DIP2B: variants seen among roughly 807,000 people sequenced by gnomAD.
DIP2B encodes the protein disco-interacting protein 2 homolog B.
Under a neutral mutation model 198.0 loss-of-function variants are expected in DIP2B, and 76 were observed. That is an observed-to-expected ratio of 0.38 (90% CI 0.32 to 0.46). The LOEUF is 0.46. DIP2B is among the 20% of genes least tolerant of loss of function. The pLI, the probability that DIP2B is intolerant of heterozygous loss-of-function variation, is 0.99. For missense variants in DIP2B, 1,559 were observed against 1,978.4 expected, an observed-to-expected ratio of 0.79 and a Z score of 4.02; for synonymous variants, 701 against 739.1, an observed-to-expected ratio of 0.95 and a Z score of 0.84.
At position 50,683,255 on chromosome 12, in the gene DIP2B, T is replaced by C. The variant is rs779396456; in HGVS notation, c.1317+7T>C. The C allele has an allele frequency of 2.5e-6, 4 of 1,604,456 alleles. No homozygotes were observed. In the African/African-American group the frequency reaches 4.0e-5, roughly 16 times the overall value. Reference sequence around the variant, plus strand: ...GGTACCTCTTACCAGAAAGGTAACATTGCTAAATTTAAGAGGAATGTAGCC... The same window carrying C: ...GGTACCTCTTACCAGAAAGGTAACACTGCTAAATTTAAGAGGAATGTAGCC... On this transcript the variant is annotated splice_region_variant and intron_variant, in intron 10 of 37. Coordinates refer to ENST00000301180, the MANE Select transcript of DIP2B (RefSeq NM_173602.3).
intron 5 of DIP2B, among the ~76,000 whole-genome samples, chr12:50,674,203 G>A (rs1488553111): frequency 6.6e-6 from 1 of 152,120 alleles, no homozygotes; most frequent in African/African-American, 2.4e-5. Context: ...AGAAAATGAT[G>A]TTTTGAGAAA....
At chr12:50,734,238 A>G in intron 33 of DIP2B, 42 bp downstream of exon 33, 1 of 1,605,552 alleles carries the variant, frequency 6.2e-7, no homozygotes, top group Middle Eastern at 1.7e-4. Context: ...CTAGTTCCTA[A>G]GCATAACAAA....
chr12:50,590,983 A>T (rs1268942046), intron 1 of DIP2B, among the ~76,000 whole-genome samples: 3 of 152,166 alleles, frequency 2.0e-5, no homozygotes, highest in Non-Finnish European at 4.4e-5. Context: ...CTCTCTTGGG[A>T]GTGGGATTAA....
chr12:50,608,167 A>G (rs1048650790), intron 1 of DIP2B, among the ~76,000 whole-genome samples: 9 of 152,332 alleles, frequency 5.9e-5, no homozygotes, highest in East Asian at 5.8e-4. Flanking sequence ...TGTGTCCACC[A>G]ATTATTTTTA....
At chr12:50,705,414 A>G (rs564331380) in intron 20 of DIP2B, among the ~76,000 whole-genome samples, 1 of 152,314 alleles carries the variant, frequency 6.6e-6, no homozygotes, top group Admixed American at 6.5e-5. Flanking sequence ...TCCATGATTG[A>G]TGTCCAAAAT....
intron 3 of DIP2B, chr12:50,656,972 C>T (rs1299036313): frequency 3.9e-5 from 6 of 152,072 alleles, no homozygotes; most frequent in East Asian, 3.9e-4. Context: ...TAATTGATTC[C>T]GTGCTCACTT....
chr12:50,552,933 T>C (rs2139388357), intron 1 of DIP2B, among the ~76,000 whole-genome samples: 1 of 152,242 alleles, frequency 6.6e-6, no homozygotes, highest in South Asian at 2.1e-4. Flanking sequence ...CCTCCCAGGT[T>C]CAAGCCATTC....
intron 1 of DIP2B, among the ~76,000 whole-genome samples, chr12:50,567,699 T>C (rs1291937648): frequency 6.6e-6 from 1 of 152,056 alleles, no homozygotes; most frequent in Non-Finnish European, 1.5e-5. Context: ...GGCTAATTTT[T>C]GTAGTTTTAG....
chr12:50,740,122 C>T (rs769693903), intron 36 of DIP2B, among the ~76,000 whole-genome samples: 1 of 152,184 alleles, frequency 6.6e-6, no homozygotes, highest in African/African-American at 2.4e-5. Context: ...CACTGCTGCC[C>T]GCCATCACTC....
At chr12:50,566,452 G>C (rs185260635) in intron 1 of DIP2B, among the ~76,000 whole-genome samples, 2 of 152,160 alleles carry the variant, frequency 1.3e-5, no homozygotes, top group Admixed American at 1.3e-4. Flanking sequence ...TACATATAAT[G>C]TGTCTTTTTT....
intron 12 of DIP2B, among the ~76,000 whole-genome samples, chr12:50,688,687 A>G (rs1483292346): frequency 6.6e-6 from 1 of 152,194 alleles, no homozygotes; most frequent in Non-Finnish European, 1.5e-5. Context: ...AATTAAAAAT[A>G]CCAAATTTAG....
chr12:50,664,830 GTTTTTGTTTT>G (rs1938719257), intron 4 of DIP2B, among the ~76,000 whole-genome samples: 2 of 99,644 alleles, frequency 2.0e-5, no homozygotes, highest in South Asian at 3.4e-4. Context: ...TCCTTTTTTG[GTTTTTGTTTT>G]TTTTTTTTTT....
intron 1 of DIP2B, among the ~76,000 whole-genome samples, chr12:50,599,407 G>A (rs1372047497): frequency 1.3e-5 from 2 of 152,184 alleles, no homozygotes; most frequent in East Asian, 1.9e-4. Flanking sequence ...CCTGAGGTCA[G>A]GAGTATGAGA....
At chr12:50,648,521 G>A (rs923279461) in intron 3 of DIP2B, among the ~76,000 whole-genome samples, 5 of 151,930 alleles carry the variant, frequency 3.3e-5, no homozygotes, top group Non-Finnish European at 5.9e-5. Context: ...CTGCCACCAC[G>A]CCCGGCTAAT....
Position 50,699,050 on chromosome 12 carries a change from A to T in DIP2B, c.2189-16A>T. The T allele has an allele frequency of 6.2e-7, 1 of 1,612,860 alleles. No homozygotes were observed. Among genetic ancestry groups the T allele is most frequent in the East Asian group, 2.2e-5 (1 of 44,850 alleles). On this transcript the variant is annotated splice_polypyrimidine_tract_variant and intron_variant, in intron 18 of 37. Transcript: ENST00000301180. ...CTAGAATCTTTGTCCTTTAACCTGT[A>T]TTTTCTGTACGTTAGGGATGATGTG...
intron 1 of DIP2B, among the ~76,000 whole-genome samples, chr12:50,546,147 G>A (rs1035698103): frequency 3.3e-5 from 5 of 152,186 alleles, no homozygotes; most frequent in Admixed American, 6.5e-5. Flanking sequence ...ATAAGATGGA[G>A]ACAGCTTATT....
intron 3 of DIP2B, among the ~76,000 whole-genome samples, chr12:50,641,366 A>G (rs554549814): frequency 6.6e-6 from 1 of 152,328 alleles, no homozygotes; most frequent in East Asian, 1.9e-4. Context: ...AAAAAAATAA[A>G]GACTGTTTCT....
At chr12:50,536,302 T>TACATACAC (rs1306663650) in intron 1 of DIP2B, among the ~76,000 whole-genome samples, 7 of 151,170 alleles carry the variant, frequency 4.6e-5, no homozygotes, top group African/African-American at 1.7e-4. Flanking sequence ...CATACATACA[T>TACATACAC]ACATACGCCA....
chr12:50,674,273 G>A (rs1380491624), intron 5 of DIP2B, among the ~76,000 whole-genome samples: 2 of 152,120 alleles, frequency 1.3e-5, no homozygotes, highest in Non-Finnish European at 2.9e-5. Flanking sequence ...TAATAATTTT[G>A]GAAAGCTGAT....
Sources: allele counts gnomAD v4.1 joint callset (sites outside exome capture counted in the v4.1 genomes callset), GRCh38; gene constraint gnomAD v4.1.1; transcripts MANE v1.5; gene names NCBI Gene and HGNC (gene_info 2026-07-23, HGNC 2026-07-21).